The following ITFG1 variants were observed in gnomAD, a reference collection of about 807,000 sequenced individuals.
The protein encoded by ITFG1 is T-cell immunomodulatory protein.
Under a neutral mutation model 81.8 loss-of-function variants are expected in ITFG1, and 34 were observed. The ratio of observed to expected loss-of-function variants is 0.42; its 90% confidence interval spans 0.32 to 0.55. The LOEUF (loss-of-function observed/expected upper bound fraction) is 0.55. Among genes scored for constraint, ITFG1 ranks in the 20% least tolerant of loss-of-function variants. The pLI is 0.17. For missense variants in ITFG1, 672 were observed against 755.4 expected (o/e 0.89, Z 1.29); for synonymous variants, 285 against 270.6 (o/e 1.05, Z -0.52).
At chr16:47,266,475 C>T (rs1484904593) in intron 10 of ITFG1, among the ~76,000 whole-genome samples, 1 of 152,140 alleles carries the variant, frequency 6.6e-6, no homozygotes, top group Non-Finnish European at 1.5e-5. Context: ...ACCTGGGCCT[C>T]CCAAAGAACT....
chr16:47,215,820 T>G (rs528793585), intron 14 of ITFG1, among the ~76,000 whole-genome samples: 55 of 152,352 alleles, frequency 3.6e-4, no homozygotes, highest in African/African-American at 1.3e-3. Flanking sequence ...ACATTTAGAT[T>G]TTTTTCAAGT....
chr16:47,319,451 G>C (rs1259695114), intron 8 of ITFG1, among the ~76,000 whole-genome samples: 1 of 152,098 alleles, frequency 6.6e-6, no homozygotes, highest in African/African-American at 2.4e-5. Context: ...AGTAAGAAAT[G>C]GTATTTTAAG....
At chr16:47,245,513 A>G (rs1243900269) in intron 12 of ITFG1, among the ~76,000 whole-genome samples, 1 of 151,926 alleles carries the variant, frequency 6.6e-6, no homozygotes, top group Non-Finnish European at 1.5e-5. Flanking sequence ...CTCATACCCC[A>G]ATTTTTTTTC....
intron 8 of ITFG1, among the ~76,000 whole-genome samples, chr16:47,319,582 T>C (rs115136518): frequency 0.022 from 3,409 of 152,308 alleles, 125 homozygotes; most frequent in African/African-American, 0.076. Context: ...TAAAGCTGTA[T>C]ACTCAAGGGT....
intron 10 of ITFG1, 64 bp from the exon 11 acceptor site, chr16:47,260,759 G>GT: frequency 1.3e-6 from 2 of 1,499,818 alleles, no homozygotes; most frequent in South Asian, 1.1e-5. Flanking sequence ...CGGCTCTGTA[G>GT]TATTTCCTAG....
chr16:47,269,055 C>T (rs1170128270), intron 10 of ITFG1, among the ~76,000 whole-genome samples: 7 of 152,142 alleles, frequency 4.6e-5, no homozygotes, highest in Admixed American at 3.3e-4. Context: ...GAACATCATA[C>T]TAATGGTGGA....
chr16:47,375,466 A>C (rs1456071577), intron 7 of ITFG1, among the ~76,000 whole-genome samples: 1 of 152,054 alleles, frequency 6.6e-6, no homozygotes, highest in African/African-American at 2.4e-5. Context: ...CGTGGCAGTA[A>C]GTTTGGTGTT....
At chr16:47,371,136 T>C (rs1198559023) in intron 7 of ITFG1, among the ~76,000 whole-genome samples, 1 of 152,194 alleles carries the variant, frequency 6.6e-6, no homozygotes, top group Admixed American at 6.5e-5. Flanking sequence ...GTTTCTGGAA[T>C]TATTGTGTAC....
At chr16:47,277,387 T>C (rs1966408673) in intron 10 of ITFG1, among the ~76,000 whole-genome samples, 1 of 152,148 alleles carries the variant, frequency 6.6e-6, no homozygotes, top group African/African-American at 2.4e-5. Flanking sequence ...GTCAGCCCTT[T>C]GGGGTCCGAT....
At chr16:47,396,042 T>C in intron 6 of ITFG1, 1 of 405,116 alleles carries the variant, frequency 2.5e-6, no homozygotes, top group Non-Finnish European at 3.3e-6. Context: ...TTACATCTAA[T>C]CTGTTATCCA....
chr16:47,187,651 TAAAAACCCTAGAA>T (rs1252214262), intron 14 of ITFG1, among the ~76,000 whole-genome samples: 4 of 150,716 alleles, frequency 2.7e-5, no homozygotes, highest in Non-Finnish European at 4.5e-5. Flanking sequence ...CCTAAAACCA[TAAAAACCCTAGAA>T]GAAAACCTAG....
intron 10 of ITFG1, among the ~76,000 whole-genome samples, chr16:47,277,452 T>C (rs1273120807): frequency 5.3e-5 from 8 of 152,170 alleles, no homozygotes; most frequent in Admixed American, 4.6e-4. Flanking sequence ...ATTTTCCATC[T>C]GTGTTTGGTA....
intron 14 of ITFG1, among the ~76,000 whole-genome samples, chr16:47,170,268 T>C (rs1964941141): frequency 6.6e-6 from 1 of 152,222 alleles, no homozygotes; most frequent in African/African-American, 2.4e-5. Context: ...TCTCCTTTCA[T>C]GAAATTGTTG....
chr16:47,369,019 T>G (rs1369143499), intron 7 of ITFG1, among the ~76,000 whole-genome samples: 1 of 152,246 alleles, frequency 6.6e-6, no homozygotes, highest in Non-Finnish European at 1.5e-5. Flanking sequence ...TTCTTTACTT[T>G]GCTTAGCAGT....
Position 47,313,690 on chromosome 16 carries a change from A to AT in ITFG1, c.897+38dup, listed in dbSNP as rs769904040. The AT allele has an allele frequency of 2.5e-5, 28 of 1,137,888 alleles. No homozygotes were observed. In the Admixed American group the frequency reaches 6.1e-4, roughly 25 times the overall value. The allele number at this position is 1,137,888 out of a possible 1,614,324, so 70.5% of individuals were successfully genotyped here. On this transcript the variant is annotated intron_variant, in intron 9 of 17. Transcript: ENST00000320640. ...CCTTAGAAGATTTTTTTCCAAGCAC[A>AT]TAAAAAAAAATGTTTACATTAAAAA...
intron 10 of ITFG1, among the ~76,000 whole-genome samples, chr16:47,284,379 T>TA (rs1191425000): frequency 6.6e-6 from 1 of 152,146 alleles, no homozygotes; most frequent in Non-Finnish European, 1.5e-5. Context: ...ATATGCAACT[T>TA]ATTTAAATAG....
intron 14 of ITFG1, among the ~76,000 whole-genome samples, chr16:47,184,667 C>T (rs988848459): frequency 8.5e-5 from 13 of 152,150 alleles, no homozygotes; most frequent in Admixed American, 4.6e-4. Flanking sequence ...CCAGCCGCTG[C>T]AAAATCATGC....
intron 14 of ITFG1, among the ~76,000 whole-genome samples, chr16:47,186,837 G>A (rs1205014159): frequency 2.0e-5 from 3 of 152,150 alleles, no homozygotes; most frequent in Non-Finnish European, 4.4e-5. Flanking sequence ...GTTTGCAGAC[G>A]ACATGACTGT....
At chr16:47,263,275 G>C in intron 10 of ITFG1, 1 of 430,408 alleles carries the variant, frequency 2.3e-6, no homozygotes, top group Non-Finnish European at 4.7e-6. Flanking sequence ...CTTGCTCTGT[G>C]TATGCTTATG....
Sources: gnomAD v4.1 joint callset for allele counts (sites outside exome capture counted in the v4.1 genomes callset) on GRCh38, gnomAD v4.1.1 for gene constraint, MANE v1.5 for transcripts, NCBI Gene and HGNC (gene_info 2026-07-23, HGNC 2026-07-21) for gene names.